Variants in ANTXR2 observed in about 807,000 individuals in gnomAD.
ANTXR2 encodes anthrax toxin receptor 2.
In ANTXR2, 44 loss-of-function variants were observed where a neutral mutation model predicts 73.7. That is an observed-to-expected ratio of 0.60 (90% confidence interval 0.47 to 0.77). ANTXR2 has a LOEUF of 0.77. Ranked by LOEUF, ANTXR2 falls within the 30% of genes least tolerant of loss-of-function variation. The pLI is 0.00. For missense variants in ANTXR2, 604 were observed against 592.5 expected (o/e 1.02, Z -0.20); for synonymous variants, 217 against 205.9 (o/e 1.05, Z -0.46).
At chr4:79,983,743 C>G in intron 14 of ANTXR2, 135 bp downstream of exon 14, 1 of 726,046 alleles carries the variant, frequency 1.4e-6, no homozygotes, top group Non-Finnish European at 2.3e-6. Context: ...AAAAATGTAT[C>G]CAGAAAAGAC....
In ANTXR2 at chr4:79,902,573, G is replaced by C. The variant is rs149098653; in HGVS notation, c.*4856C>G. ...CTTGCTAACCCTATGAAACCAGAGT[G>C]AAGTACATGCATACATTTCCCAATG... On this transcript the variant is annotated 3_prime_UTR_variant, in exon 17 of 17. Transcript: ENST00000403729. The C allele has an allele frequency of 2.0e-5, 3 of 152,102 alleles. No individual in the cohort carries two copies. Among genetic ancestry groups the C allele is most frequent in the Admixed American group, 2.0e-4 (3 of 15,250 alleles). 9.4% of individuals were successfully genotyped at this position (152,102 alleles called of 1,614,324 possible).
intron 16 of ANTXR2, among the ~76,000 whole-genome samples, chr4:79,961,040 G>C (rs1729121054): frequency 6.6e-6 from 1 of 151,866 alleles, no homozygotes; most frequent in Admixed American, 6.6e-5. Flanking sequence ...TGGGGTTCTG[G>C]TAGACACAAA....
At chr4:80,055,021 A>T in intron 6 of ANTXR2, 129 bp downstream of exon 6, 2 of 799,954 alleles carry the variant, frequency 2.5e-6, no homozygotes, top group Non-Finnish European at 4.0e-6. Context: ...CAAAACCTAC[A>T]GCCATTTCTA....
chr4:80,041,117 T>G (rs1733224791), intron 7 of ANTXR2, among the ~76,000 whole-genome samples: 1 of 152,072 alleles, frequency 6.6e-6, no homozygotes, highest in Non-Finnish European at 1.5e-5. Context: ...ACAAATATTT[T>G]TATCCATGTT....
chr4:80,001,047 G>A (rs1460017742), intron 12 of ANTXR2, among the ~76,000 whole-genome samples: 1 of 152,020 alleles, frequency 6.6e-6, no homozygotes, highest in African/African-American at 2.4e-5. Flanking sequence ...CTCTAAGATT[G>A]TAAGTAAATT....
rs1491392988 is a variant in ANTXR2, at chr4:79,990,384, A to AAAAG, written c.1042-5522_1042-5521insCTTT. ...TCAAGAATTCAATAACAACAGTTAC[A>AAAAG]AAAAAAAAAAAAAAAAAACACCTTG... On this transcript the variant is annotated intron_variant, in intron 12 of 16. Coordinates refer to ENST00000403729, the MANE Select transcript of ANTXR2 (RefSeq NM_058172.6). Among the ~76,000 whole-genome samples, 70 of 16,460 alleles carry AAAAG rather than the reference A, an allele frequency of 4.3e-3. 1 individual carries two copies. The highest frequency in any genetic ancestry group is 0.017 in the African/African-American group (66 of 3,964). The allele number at this position is 16,460 out of a possible 152,430, so 10.8% of individuals were successfully genotyped here.
intron 16 of ANTXR2, among the ~76,000 whole-genome samples, chr4:79,915,497 G>A (rs1453084269): frequency 6.6e-6 from 1 of 152,078 alleles, no homozygotes; most frequent in Non-Finnish European, 1.5e-5. Context: ...TTGACAAGCT[G>A]AAGCAAACAA....
At chr4:80,028,369 C>T (rs1024964215) in intron 10 of ANTXR2, among the ~76,000 whole-genome samples, 1 of 152,132 alleles carries the variant, frequency 6.6e-6, no homozygotes, top group Non-Finnish European at 1.5e-5. Context: ...CCCCCATCTC[C>T]CACATGCTCT....
At chr4:80,022,108 A>C (rs1732193675) in intron 10 of ANTXR2, among the ~76,000 whole-genome samples, 1 of 152,220 alleles carries the variant, frequency 6.6e-6, no homozygotes, top group African/African-American at 2.4e-5. Context: ...TTTCACTTCT[A>C]CAACATACTA....
chr4:79,983,725 A>C (rs992196580), intron 14 of ANTXR2, among the ~76,000 whole-genome samples, 153 bp downstream of exon 14: 7 of 152,118 alleles, frequency 4.6e-5, no homozygotes, highest in Non-Finnish European at 1.0e-4. Flanking sequence ...GGATGATTCC[A>C]TAGAAAAAAA....
intron 3 of ANTXR2, 95 bp downstream of exon 3, chr4:80,069,341 C>A: frequency 1.0e-6 from 1 of 968,186 alleles, no homozygotes; most frequent in South Asian, 1.5e-5. Context: ...CTGCTTGATT[C>A]CACTGAGAGG....
At chr4:80,021,775 A>AT (rs1732178674) in intron 10 of ANTXR2, among the ~76,000 whole-genome samples, 1 of 152,142 alleles carries the variant, frequency 6.6e-6, no homozygotes, top group Admixed American at 6.6e-5. Flanking sequence ...TAAAAAAAAA[A>AT]CAAAAACTGA....
At chr4:80,020,738 T>TTC (rs1732121491) in intron 10 of ANTXR2, among the ~76,000 whole-genome samples, 1 of 152,210 alleles carries the variant, frequency 6.6e-6, no homozygotes, top group Non-Finnish European at 1.5e-5. Context: ...TTGGTTTGGA[T>TTC]TCATACAAGA....
intron 16 of ANTXR2, chr4:79,964,742 TC>T (rs1362084759): frequency 1.3e-5 from 2 of 152,210 alleles, no homozygotes; most frequent in African/African-American, 4.8e-5. Flanking sequence ...CCGCTGACAA[TC>T]CGGCCGCTAG....
chr4:80,073,333 C>T (rs1734918907), upstream of ANTXR2: 1 of 152,328 alleles, frequency 6.6e-6, no homozygotes, highest in Admixed American at 6.5e-5. Context: ...TAACGCTTGC[C>T]AGATTTGGGA....
chr4:79,956,889 A>G (rs1728909109), intron 16 of ANTXR2, among the ~76,000 whole-genome samples: 1 of 152,256 alleles, frequency 6.6e-6, no homozygotes, highest in Non-Finnish European at 1.5e-5. Context: ...GCTGAAGCCA[A>G]TAATCCCTGT....
At chr4:80,004,857 C>G (rs938272950) in intron 12 of ANTXR2, among the ~76,000 whole-genome samples, 1 of 151,914 alleles carries the variant, frequency 6.6e-6, no homozygotes, top group Admixed American at 6.6e-5. Flanking sequence ...TCAGTCTACC[C>G]AAACCCACTT....
At chr4:79,918,418 A>G (rs1448193603) in intron 16 of ANTXR2, among the ~76,000 whole-genome samples, 1 of 152,106 alleles carries the variant, frequency 6.6e-6, no homozygotes, top group African/African-American at 2.4e-5. Context: ...TAAACTTCTG[A>G]AAACCAAGAA....
At chr4:80,056,150 A>ATC in intron 3 of ANTXR2, 137 bp from the exon 4 acceptor site, 1 of 515,926 alleles carries the variant, frequency 1.9e-6, no homozygotes, top group Non-Finnish European at 3.3e-6. Context: ...CTTTGAAGGC[A>ATC]GATAACTTCA....
Sources: allele counts gnomAD v4.1 joint callset (sites outside exome capture counted in the v4.1 genomes callset), GRCh38; gene constraint gnomAD v4.1.1; transcripts MANE v1.5; gene names NCBI Gene and HGNC (gene_info 2026-07-23, HGNC 2026-07-21).